The following GRIN2A variants were observed in gnomAD, a reference collection of about 807,000 sequenced individuals.
GRIN2A encodes the protein glutamate ionotropic receptor NMDA type subunit 2A, also known as glutamate receptor ionotropic, NMDA 2A.
GRIN2A carries 22 observed loss-of-function variants against 113.4 expected under a neutral mutation model. The ratio of observed to expected loss-of-function variants is 0.19; its 90% CI spans 0.14 to 0.28. The LOEUF is 0.28. Among genes scored for constraint, GRIN2A ranks in the 10% least tolerant of loss-of-function variants. The pLI, the probability that GRIN2A is intolerant of heterozygous loss-of-function variation, is 1.00. For synonymous variants in GRIN2A, 827 were observed against 738.4 expected (o/e 1.12, Z -1.94); for missense variants, 1,502 against 1,887.0 (o/e 0.80, Z 3.78).
At chr16:9,826,749 T>C (rs562612105) in intron 9 of GRIN2A, among the ~76,000 whole-genome samples, 1 of 152,360 alleles carries the variant, frequency 6.6e-6, no homozygotes, top group Middle Eastern at 3.4e-3. Context: ...GCATGGAGAC[T>C]GAGCTTTGTC....
chr16:9,760,173 A>T lies in GRIN2A; in HGVS notation c.*2976T>A, dbSNP rs992183281. 2.7e-5 allele frequency: 6 copies of T among 226,360 alleles called. No homozygotes were observed. The highest frequency in any genetic ancestry group is 5.7e-5 in the Admixed American group (1 of 17,564). The allele number at this position is 226,360 out of a possible 1,614,324, so 14.0% of individuals were successfully genotyped here. ...TAAGAACTCAGAGCTGGGATATGTT[A>T]CGGGAATCTTCTGTGATAGATCTAT... On this transcript the variant is annotated 3_prime_UTR_variant, in exon 13 of 13. Coordinates refer to ENST00000330684, the MANE Select transcript of GRIN2A (RefSeq NM_001134407.3).
At position 9,859,699 on chromosome 16, in the gene GRIN2A, C is replaced by T. The variant is rs186889276; in HGVS notation, c.1123-9738G>A. Among the ~76,000 whole-genome samples the T allele has an allele frequency of 6.7e-4, 102 of 151,540 alleles. 1 individual carries two copies. The highest frequency in any genetic ancestry group is 3.4e-3 in the Admixed American group (52 of 15,170). On this transcript the variant is annotated intron_variant, in intron 4 of 12. Coordinates refer to ENST00000330684, the MANE Select transcript of GRIN2A (RefSeq NM_001134407.3). ...CACTTTTCACAAAACACACCCTGAA[C>T]GACACCCACTTTCCTGCCTATGCCT...
chr16:10,126,305 C>T (rs778835184), intron 2 of GRIN2A, among the ~76,000 whole-genome samples: 5 of 151,850 alleles, frequency 3.3e-5, no homozygotes, highest in African/African-American at 4.8e-5. Context: ...AGACTACAGG[C>T]GTGCACCACC....
At position 9,764,811 on chromosome 16, in the gene GRIN2A, G is replaced by A. The variant is rs1209627670; in HGVS notation, c.2733C>T (p.Asn911=). Residue 911 remains asparagine (N), a synonymous_variant, in exon 13 of 13, where the codon AAC becomes AAT. Coordinates refer to ENST00000330684, the MANE Select transcript of GRIN2A (RefSeq NM_001134407.3). ...TTTTGGGTGAGTCCATTCTTGAGGA[G>A]TTCATGTTGGACATGCTGGAAATGT... ...AKNISSMSNM[N]SSRMDSPKRA... 6 of 1,614,192 alleles carry A rather than the reference G, an allele frequency of 3.7e-6. No homozygotes were observed. The highest frequency in any genetic ancestry group is 5.1e-6 in the Non-Finnish European group (6 of 1,180,012).
intron 3 of GRIN2A, among the ~76,000 whole-genome samples, chr16:9,909,005 T>G (rs12598073): frequency 0.18 from 28,092 of 152,090 alleles, 2,970 homozygotes; most frequent in East Asian, 0.4. Context: ...GGGAGTGTTA[T>G]TAGTCTGTTT....
chr16:9,927,025 G>A (rs1223587759), intron 3 of GRIN2A, among the ~76,000 whole-genome samples: 1 of 151,876 alleles, frequency 6.6e-6, no homozygotes, highest in African/African-American at 2.4e-5. Flanking sequence ...TTAACTTCTG[G>A]CTCCATTTTA....
At chr16:10,160,462 T>C (rs533717771) in intron 2 of GRIN2A, among the ~76,000 whole-genome samples, 248 of 152,328 alleles carry the variant, frequency 1.6e-3, no homozygotes, top group Non-Finnish European at 2.2e-3. Context: ...AACCACGATA[T>C]GGCAGCATGA....
At chr16:9,907,664 C>CAAA (rs1324384169) in intron 3 of GRIN2A, among the ~76,000 whole-genome samples, 1 of 151,954 alleles carries the variant, frequency 6.6e-6, no homozygotes, top group Non-Finnish European at 1.5e-5. Flanking sequence ...GAAAATAAAG[C>CAAA]AAAATCACAA....
intron 2 of GRIN2A, among the ~76,000 whole-genome samples, chr16:10,034,596 G>C (rs1052742440): frequency 7.2e-6 from 1 of 139,114 alleles, no homozygotes; most frequent in Admixed American, 7.5e-5. Flanking sequence ...CACACTTTGA[G>C]AAGGATGTTG....
At chr16:10,035,831 C>G (rs1376871082) in intron 2 of GRIN2A, among the ~76,000 whole-genome samples, 1 of 151,514 alleles carries the variant, frequency 6.6e-6, no homozygotes, top group African/African-American at 2.4e-5. Flanking sequence ...TCAAGCAATT[C>G]TCATACCTCA....
chr16:9,802,816 T>G (rs1903447721), intron 10 of GRIN2A, among the ~76,000 whole-genome samples: 1 of 152,118 alleles, frequency 6.6e-6, no homozygotes, highest in East Asian at 1.9e-4. Flanking sequence ...AGTTGTAAAT[T>G]TCATTTAATT....
At chr16:9,811,530 A>C (rs555991612) in intron 10 of GRIN2A, among the ~76,000 whole-genome samples, 100 of 152,268 alleles carry the variant, frequency 6.6e-4, no homozygotes, top group African/African-American at 2.2e-3. Context: ...AGGCCGAGAC[A>C]GGCGGATCAC....
chr16:10,132,709 G>A (rs527641113), intron 2 of GRIN2A, among the ~76,000 whole-genome samples: 47 of 152,280 alleles, frequency 3.1e-4, no homozygotes, highest in African/African-American at 1.1e-3. Flanking sequence ...AATTTAGTAC[G>A]TATGTCCTAA....
rs1203729176 is a variant in GRIN2A at position 9,753,827 on chromosome 16, G to T, written c.*9322C>A. The T allele has an allele frequency of 1.7e-5, 3 of 180,416 alleles. No individual in the cohort carries two copies. The highest frequency in any genetic ancestry group is 4.7e-5 in the African/African-American group (2 of 42,394). 11.2% of individuals were successfully genotyped at this position (180,416 alleles called of 1,614,324 possible). On this transcript the variant is annotated 3_prime_UTR_variant, in exon 13 of 13. Coordinates refer to ENST00000330684, the MANE Select transcript of GRIN2A (RefSeq NM_001134407.3). ...GCTTGCTTTCAGCTCCACCATACAA[G>T]ACATCAAGTCAGTTCTGATGTGGGT...
At chr16:9,917,121 A>G (rs919036215) in intron 3 of GRIN2A, among the ~76,000 whole-genome samples, 1 of 152,158 alleles carries the variant, frequency 6.6e-6, no homozygotes, top group Non-Finnish European at 1.5e-5. Context: ...GGCTCTTTTC[A>G]TATCTGATTC....
intron 4 of GRIN2A, among the ~76,000 whole-genome samples, chr16:9,856,343 A>C (rs1449093003): frequency 6.6e-6 from 1 of 152,176 alleles, no homozygotes; most frequent in Non-Finnish European, 1.5e-5. Context: ...TGTTATAAAG[A>C]TTACATAAGA....
At chr16:9,840,835 AG>A in intron 6 of GRIN2A, 35 bp from the exon 7 acceptor site, 2 of 1,329,256 alleles carry the variant, frequency 1.5e-6, no homozygotes, top group Non-Finnish European at 2.1e-6. Flanking sequence ...AAAAAAAAAG[AG>A]AGAGAGAGAA....
chr16:9,950,406 A>G (rs1381462821), intron 2 of GRIN2A, among the ~76,000 whole-genome samples: 1 of 152,096 alleles, frequency 6.6e-6, no homozygotes, highest in Non-Finnish European at 1.5e-5. Flanking sequence ...CCAAGGTAGA[A>G]AAAAGAAACT....
At chr16:10,098,802 C>A (rs961900936) in intron 2 of GRIN2A, among the ~76,000 whole-genome samples, 1 of 151,998 alleles carries the variant, frequency 6.6e-6, no homozygotes, top group Admixed American at 6.6e-5. Flanking sequence ...GCTGGAAATT[C>A]AGGGGAAAGG....
Sources: allele counts gnomAD v4.1 joint callset (sites outside exome capture counted in the v4.1 genomes callset), GRCh38; gene constraint gnomAD v4.1.1; transcripts MANE v1.5; gene names NCBI Gene and HGNC (gene_info 2026-07-23, HGNC 2026-07-21).